DLEU7: variants seen among roughly 807,000 people sequenced by gnomAD.
DLEU7 encodes deleted in lymphocytic leukemia 7.
A neutral mutation model predicts 16.0 loss-of-function variants in DLEU7; 17 were observed. That is an observed-to-expected ratio of 1.06 (90% CI 0.73 to 1.59). The LOEUF (loss-of-function observed/expected upper bound fraction) is 1.59. Ranked by LOEUF, DLEU7 falls within the 40% of genes most tolerant of loss-of-function variation. The pLI, the probability that DLEU7 is intolerant of heterozygous loss-of-function variation, is 0.00. For missense variants in DLEU7, 308 were observed against 314.9 expected, an observed-to-expected ratio of 0.98 and a Z score of 0.17; for synonymous variants, 113 against 139.8, an observed-to-expected ratio of 0.81 and a Z score of 1.35.
chr13:50,723,964 G>C (rs1302409573), intron 1 of DLEU7, among the ~76,000 whole-genome samples: 1 of 152,054 alleles, frequency 6.6e-6, no homozygotes, highest in African/African-American at 2.4e-5. Flanking sequence ...CATAGAAGGA[G>C]AGCAAATTCT....
chr13:50,826,750 TCGAGGCAAAATTACTCTTAAAGG>T (rs1877098797), intron 1 of DLEU7, among the ~76,000 whole-genome samples: 1 of 152,118 alleles, frequency 6.6e-6, no homozygotes, highest in South Asian at 2.1e-4. Flanking sequence ...TCTAAACTCA[TCGAGGCAAAATTACTCTTAAAGG>T]CAATCAGAAA....
chr13:50,769,816 C>T (rs922990185), intron 1 of DLEU7, among the ~76,000 whole-genome samples: 11 of 152,174 alleles, frequency 7.2e-5, no homozygotes, highest in South Asian at 2.1e-4. Flanking sequence ...TTTCCAATTC[C>T]GTGAAGAAAG....
At chr13:50,739,596 G>C (rs1211612479) in intron 1 of DLEU7, among the ~76,000 whole-genome samples, 1 of 152,154 alleles carries the variant, frequency 6.6e-6, no homozygotes, top group Non-Finnish European at 1.5e-5. Flanking sequence ...AGAGGCTTTT[G>C]TGCTTATCCT....
intron 1 of DLEU7, among the ~76,000 whole-genome samples, chr13:50,737,620 T>C (rs1566233759): frequency 6.6e-6 from 1 of 152,162 alleles, no homozygotes; most frequent in Non-Finnish European, 1.5e-5. Flanking sequence ...CCATAAGCCA[T>C]GCCCATAGAA....
intron 1 of DLEU7, among the ~76,000 whole-genome samples, chr13:50,751,790 G>A (rs373590937): frequency 2.1e-4 from 32 of 152,120 alleles, no homozygotes; most frequent in East Asian, 5.8e-4. Context: ...CTCCCATTTC[G>A]TTTCTTACTG....
chr13:50,738,839 G>T (rs773568077), intron 1 of DLEU7, among the ~76,000 whole-genome samples: 2 of 152,054 alleles, frequency 1.3e-5, no homozygotes, highest in Admixed American at 6.6e-5. Context: ...AAACTCATGC[G>T]ATGTTCATAA....
intron 1 of DLEU7, among the ~76,000 whole-genome samples, chr13:50,779,750 C>T (rs186391799): frequency 3.3e-5 from 5 of 152,176 alleles, no homozygotes; most frequent in East Asian, 1.9e-4. Flanking sequence ...TTTTAGAAAA[C>T]GGAAGCAGGC....
At chr13:50,807,388 T>C (rs918602140) in intron 1 of DLEU7, among the ~76,000 whole-genome samples, 5 of 152,056 alleles carry the variant, frequency 3.3e-5, no homozygotes, top group Non-Finnish European at 5.9e-5. Context: ...TAAAAGATGG[T>C]ATTTGACATC....
chr13:50,787,295 G>A (rs1875814546), intron 1 of DLEU7, among the ~76,000 whole-genome samples: 2 of 152,282 alleles, frequency 1.3e-5, no homozygotes, highest in Non-Finnish European at 2.9e-5. Flanking sequence ...GTTACTGTTA[G>A]CATTACTTCT....
Position 50,823,046 on chromosome 13 carries a change from G to C in DLEU7, c.*268C>G, listed in dbSNP as rs1353646283. On this transcript the variant is annotated 3_prime_UTR_variant, in exon 2 of 2. Coordinates refer to ENST00000504404, the MANE Select transcript of DLEU7 (RefSeq NM_001306135.2). The stretch of plus-strand genomic sequence containing the variant: ...AATATATACATACATAATCAAATCA[G>C]CTTCACAAAGTAGAATGTATTTCAA... 8.8e-7 allele frequency: 1 copy of C among 1,130,508 alleles called. No homozygotes were observed. The highest frequency in any genetic ancestry group is 1.1e-6 in the Non-Finnish European group (1 of 902,668). 70.0% of individuals were successfully genotyped at this position (1,130,508 alleles called of 1,614,324 possible). A position where few individuals can be genotyped will look rare whatever the true frequency, so the allele number is the denominator to read the frequency against.
chr13:50,727,243 G>A (rs1873789849), intron 1 of DLEU7, among the ~76,000 whole-genome samples: 1 of 152,146 alleles, frequency 6.6e-6, no homozygotes, highest in Non-Finnish European at 1.5e-5. Context: ...GAGTGTGTGT[G>A]AGCAAGGAGG....
chr13:50,728,254 A>T (rs1316672448), intron 1 of DLEU7, among the ~76,000 whole-genome samples: 1 of 152,196 alleles, frequency 6.6e-6, no homozygotes, highest in African/African-American at 2.4e-5. Context: ...TACAGATAAG[A>T]AACTAGTTGT....
intron 1 of DLEU7, among the ~76,000 whole-genome samples, chr13:50,734,574 AG>A (rs1298501224): frequency 1.3e-5 from 2 of 152,186 alleles, no homozygotes; most frequent in Non-Finnish European, 2.9e-5. Flanking sequence ...TAGAGAAAAA[AG>A]GGAATATTAA....
chr13:50,767,684 G>A (rs1342503361), intron 1 of DLEU7, among the ~76,000 whole-genome samples: 1 of 152,090 alleles, frequency 6.6e-6, no homozygotes, highest in Non-Finnish European at 1.5e-5. Context: ...CACCAAATAG[G>A]TGGTGAGCTT....
At chr13:50,742,412 T>A (rs1440290959) in intron 1 of DLEU7, among the ~76,000 whole-genome samples, 1 of 152,206 alleles carries the variant, frequency 6.6e-6, no homozygotes, top group Non-Finnish European at 1.5e-5. Flanking sequence ...TAAAATGGCG[T>A]AATTGACCCA....
At chr13:50,758,599 C>T (rs144329577) in intron 1 of DLEU7, among the ~76,000 whole-genome samples, 93 of 152,244 alleles carry the variant, frequency 6.1e-4, no homozygotes, top group Middle Eastern at 3.4e-3. Flanking sequence ...AAGACTCCAC[C>T]GGGGGAAGTC....
At chr13:50,809,132 T>G (rs181206539) in intron 1 of DLEU7, among the ~76,000 whole-genome samples, 55 of 152,290 alleles carry the variant, frequency 3.6e-4, no homozygotes, top group Admixed American at 3.2e-3. Context: ...ATCTAAAGTT[T>G]GACAACCTTT....
intron 1 of DLEU7, among the ~76,000 whole-genome samples, chr13:50,830,152 C>G (rs1033186146): frequency 1.4e-4 from 21 of 152,166 alleles, no homozygotes; most frequent in African/African-American, 4.8e-4. Flanking sequence ...ACTTCTAAAG[C>G]CTTGTGTAAT....
intron 1 of DLEU7, among the ~76,000 whole-genome samples, chr13:50,764,873 G>GTTTGTTTTGTTTTGT (rs199824550): frequency 2.2e-4 from 30 of 135,272 alleles, no homozygotes; most frequent in African/African-American, 9.6e-4. Flanking sequence ...CCTTTTTTGG[G>GTTTGTTTTGTTTTGT]TTTGTTTTGT....
Sources: gnomAD v4.1 joint callset for allele counts (sites outside exome capture counted in the v4.1 genomes callset) on GRCh38, gnomAD v4.1.1 for gene constraint, MANE v1.5 for transcripts, NCBI Gene and HGNC (gene_info 2026-07-23, HGNC 2026-07-21) for gene names.